The following ZFHX3 variants were observed in gnomAD, a reference collection of about 807,000 sequenced individuals.
ZFHX3 encodes the protein zinc finger homeobox 3.
Under a neutral mutation model 279.1 loss-of-function variants are expected in ZFHX3, and 42 were observed. The ratio of observed to expected loss-of-function variants is 0.15; its 90% CI spans 0.12 to 0.19. ZFHX3 has a LOEUF of 0.19. Ranked by LOEUF, ZFHX3 falls within the 10% of genes least tolerant of loss-of-function variation. The pLI, the probability that ZFHX3 is intolerant of heterozygous loss-of-function variation, is 1.00. For synonymous variants in ZFHX3, 2,293 were observed against 1,957.8 expected, an observed-to-expected ratio of 1.17 and a Z score of -4.52; for missense variants, 4,981 against 4,754.0, an observed-to-expected ratio of 1.05 and a Z score of -1.40.
chr16:72,888,254 T>C (rs1193364903), intron 4 of ZFHX3, among the ~76,000 whole-genome samples: 2 of 152,196 alleles, frequency 1.3e-5, no homozygotes, highest in Non-Finnish European at 2.9e-5. Flanking sequence ...CACACATCCA[T>C]GATGGCTGAA....
chr16:73,439,148 G>A (rs1040425736), intron 3 of ZFHX3, among the ~76,000 whole-genome samples: 2 of 152,210 alleles, frequency 1.3e-5, no homozygotes, highest in Non-Finnish European at 2.9e-5. Flanking sequence ...AGGGTCTAGT[G>A]TCAGCAATAG....
chr16:73,868,643 T>C (rs1335311170), intron 1 of ZFHX3, among the ~76,000 whole-genome samples: 6 of 152,242 alleles, frequency 3.9e-5, no homozygotes, highest in Non-Finnish European at 8.8e-5. Flanking sequence ...CAAAACTTAC[T>C]TCCCCTTAAG....
chr16:73,219,794 T>C (rs2012347736), intron 5 of ZFHX3, among the ~76,000 whole-genome samples: 1 of 152,012 alleles, frequency 6.6e-6, no homozygotes, highest in African/African-American at 2.4e-5. Context: ...TTTTGAAAAA[T>C]ATGTTTGGAG....
chr16:73,864,710 A>G (rs983807624), intron 1 of ZFHX3, among the ~76,000 whole-genome samples: 37 of 151,940 alleles, frequency 2.4e-4, no homozygotes, highest in African/African-American at 9.0e-4. Context: ...ACAGAGCAAG[A>G]CTCTGTCTCA....
intron 1 of ZFHX3, among the ~76,000 whole-genome samples, chr16:73,043,205 A>G (rs899151473): frequency 3.3e-5 from 5 of 152,214 alleles, no homozygotes; most frequent in African/African-American, 1.2e-4. Flanking sequence ...CCTCCAGGAC[A>G]CAGCAAGCCA....
intron 4 of ZFHX3, among the ~76,000 whole-genome samples, chr16:73,309,341 GT>G (rs1003658409): frequency 6.6e-6 from 1 of 152,058 alleles, no homozygotes; most frequent in Non-Finnish European, 1.5e-5. Flanking sequence ...TTCGTTTTCT[GT>G]TTCTGTGTTA....
At chr16:73,521,668 TAAG>T (rs2019610795) in intron 2 of ZFHX3, among the ~76,000 whole-genome samples, 1 of 152,102 alleles carries the variant, frequency 6.6e-6, no homozygotes. Flanking sequence ...CCAGGAATTT[TAAG>T]AAGAATTTTT....
rs371765071 is a variant in ZFHX3, at chr16:72,959,973, T to C, written c.173A>G (p.Asn58Ser). 36 of 1,611,426 alleles carry C rather than the reference T, an allele frequency of 2.2e-5. No homozygotes were observed. The highest frequency in any genetic ancestry group is 5.5e-5 in the South Asian group (5 of 90,812). ...CGCGGTGCTCTCCGCGAGGCGCTCA[T>C]TGAAGGGGGCCCTCAGGCTGTCCAA... is the stretch of plus-strand genomic sequence containing the variant. Reference protein sequence around the residue: ...GPLDSLRAPFNERLAESTASA... With the variant: ...GPLDSLRAPFSERLAESTASA... Residue 58 changes from asparagine to serine, a missense_variant, in exon 2 of 10, where the codon AAT becomes AGT. Physicochemically the swap from Asn to Ser is conservative, Grantham distance 46. This residue lies in a region of ZFHX3 where 1,068 missense variants were observed against 935.2 expected (regional missense o/e 1.14). Coordinates refer to ENST00000268489, the MANE Select transcript of ZFHX3 (RefSeq NM_006885.4).
intron 5 of ZFHX3, among the ~76,000 whole-genome samples, chr16:73,204,301 T>G (rs994932066): frequency 4.6e-5 from 7 of 150,936 alleles, no homozygotes; most frequent in African/African-American, 1.7e-4. Flanking sequence ...TTATATTCAT[T>G]ATAATATATA....
intron 3 of ZFHX3, among the ~76,000 whole-genome samples, chr16:73,439,932 A>AAAC (rs2018060045): frequency 1.9e-5 from 2 of 107,818 alleles, no homozygotes; most frequent in African/African-American, 8.5e-5. Flanking sequence ...AAAAAAAAAA[A>AAAC]CACAAAAAAA....
intron 2 of ZFHX3, among the ~76,000 whole-genome samples, chr16:73,569,552 C>CA (rs1052735459): frequency 2.0e-5 from 3 of 151,812 alleles, no homozygotes; most frequent in African/African-American, 7.2e-5. Flanking sequence ...TACTAGCCAG[C>CA]AAGTGCCAAG....
At chr16:72,810,980 A>C (rs2143584272) in intron 7 of ZFHX3, among the ~76,000 whole-genome samples, 1 of 152,284 alleles carries the variant, frequency 6.6e-6, no homozygotes, top group East Asian at 1.9e-4. Flanking sequence ...TCCTGGGCTC[A>C]AGTGATCCTC....
At chr16:73,458,215 C>T (rs2018407683) in intron 2 of ZFHX3, among the ~76,000 whole-genome samples, 1 of 152,122 alleles carries the variant, frequency 6.6e-6, no homozygotes, top group Non-Finnish European at 1.5e-5. Flanking sequence ...TTTTCAGCCC[C>T]AGAGTGGTTA....
chr16:73,140,290 T>G (rs1966844105), intron 6 of ZFHX3, among the ~76,000 whole-genome samples: 1 of 152,116 alleles, frequency 6.6e-6, no homozygotes, highest in Admixed American at 6.5e-5. Context: ...AAATGACCTT[T>G]TTAATAATTC....
intron 7 of ZFHX3, among the ~76,000 whole-genome samples, chr16:73,126,296 A>C (rs1305152238): frequency 1.3e-5 from 2 of 152,192 alleles, no homozygotes; most frequent in Non-Finnish European, 2.9e-5. Flanking sequence ...GAAGCCAGGC[A>C]ATCAGCGAGA....
intron 2 of ZFHX3, among the ~76,000 whole-genome samples, chr16:73,591,291 T>G (rs1056497575): frequency 6.6e-6 from 1 of 151,664 alleles, no homozygotes; most frequent in African/African-American, 2.4e-5. Flanking sequence ...AGGCAGAGGT[T>G]GCTGTGAGCC....
chr16:73,258,549 C>A (rs1027034645), intron 4 of ZFHX3, among the ~76,000 whole-genome samples: 2 of 152,028 alleles, frequency 1.3e-5, no homozygotes, highest in Non-Finnish European at 2.9e-5. Context: ...AGAGGTTTCA[C>A]ATGTTAGCCA....
At chr16:73,822,933 G>T (rs1376076427) in intron 1 of ZFHX3, among the ~76,000 whole-genome samples, 1 of 152,178 alleles carries the variant, frequency 6.6e-6, no homozygotes, top group Non-Finnish European at 1.5e-5. Flanking sequence ...CCAAGCCTTA[G>T]TTCATGCATT....
At chr16:73,401,096 T>C (rs2017242001) in intron 3 of ZFHX3, 1 of 152,086 alleles carries the variant, frequency 6.6e-6, no homozygotes, top group Non-Finnish European at 1.5e-5. Flanking sequence ...CCCAGCCACC[T>C]AATGAGAAAA....
Sources: gnomAD v4.1 joint callset for allele counts (sites outside exome capture counted in the v4.1 genomes callset) on GRCh38, gnomAD v4.1.1 for gene constraint, gnomAD v4.1.1 regional missense constraint, MANE v1.5 for transcripts, NCBI Gene and HGNC (gene_info 2026-07-23, HGNC 2026-07-21) for gene names.